The following MGMT variants were observed in gnomAD, a reference collection of about 807,000 sequenced individuals.
MGMT encodes O-6-methylguanine-DNA methyltransferase, also known as methylated-DNA--protein-cysteine methyltransferase.
A neutral mutation model predicts 15.9 loss-of-function variants in MGMT; 14 were observed. The observed-to-expected ratio is 0.88, with a 90% confidence interval of 0.58 to 1.37. The LOEUF (loss-of-function observed/expected upper bound fraction) is 1.37. Among genes scored for constraint, MGMT ranks in the 40% most tolerant of loss-of-function variants. MGMT has a pLI of 0.00. For synonymous variants in MGMT, 130 were observed against 118.2 expected (o/e 1.10, Z -0.65); for missense variants, 282 against 268.1 (o/e 1.05, Z -0.36).
intron 1 of MGMT, among the ~76,000 whole-genome samples, chr10:129,527,202 C>T (rs1203031201): frequency 6.6e-6 from 1 of 152,222 alleles, no homozygotes; most frequent in East Asian, 1.9e-4. Context: ...GCACTGAGTC[C>T]ACTGGATGCC....
chr10:129,611,771 T>C (rs510702), intron 2 of MGMT, among the ~76,000 whole-genome samples: 151,928 of 152,288 alleles, frequency 1, 75,785 homozygotes, highest in Middle Eastern at 1. Flanking sequence ...ATGAGATGCT[T>C]CTCCCTCGAG....
chr10:129,630,842 G>GA (rs1304629613), intron 2 of MGMT, among the ~76,000 whole-genome samples: 1 of 152,242 alleles, frequency 6.6e-6, no homozygotes, highest in African/African-American at 2.4e-5. Flanking sequence ...TGCTCCTACT[G>GA]AAAAACATGG....
chr10:129,504,906 C>G (rs895356201), intron 1 of MGMT, among the ~76,000 whole-genome samples: 1 of 151,168 alleles, frequency 6.6e-6, no homozygotes, highest in Non-Finnish European at 1.5e-5. Flanking sequence ...TTTGTCTAGC[C>G]TAGGTTTGTG....
intron 2 of MGMT, chr10:129,536,898 A>G (rs1461297252): frequency 6.6e-6 from 1 of 152,154 alleles, no homozygotes; most frequent in East Asian, 1.9e-4. Flanking sequence ...ACCCTTGGCG[A>G]GGGTGTGGCT....
intron 1 of MGMT, among the ~76,000 whole-genome samples, chr10:129,512,674 G>A (rs534017393): frequency 1.3e-5 from 2 of 152,216 alleles, no homozygotes; most frequent in African/African-American, 2.4e-5. Context: ...GTGGCTTAGC[G>A]ATGCGTGAAG....
intron 2 of MGMT, among the ~76,000 whole-genome samples, chr10:129,562,142 G>T (rs537919459): frequency 1.4e-4 from 21 of 152,174 alleles, no homozygotes; most frequent in Admixed American, 6.5e-5. Flanking sequence ...AGCAAGACTT[G>T]TTGTAAAAAA....
chr10:129,548,488 G>A (rs1052474957), intron 2 of MGMT, among the ~76,000 whole-genome samples: 1 of 152,172 alleles, frequency 6.6e-6, no homozygotes, highest in African/African-American at 2.4e-5. Context: ...GTACAACCCA[G>A]CACTGCTTTT....
Position 129,769,923 on chromosome 10 carries a change from A to T in MGMT, c.*2926A>T, listed in dbSNP as rs1716673955. On this transcript the variant is annotated 3_prime_UTR_variant, in exon 5 of 5. Coordinates refer to ENST00000651593, the MANE Select transcript of MGMT (RefSeq NM_002412.5). ...TAGGGGCATGAATTTGCACTTCCAGATGTGAAGGTTGCAGGCACCGGGCGT... is the reference window on the plus strand; with the variant it reads ...TAGGGGCATGAATTTGCACTTCCAGTTGTGAAGGTTGCAGGCACCGGGCGT... 6.6e-6 allele frequency among the ~76,000 whole-genome samples: 1 copy of T among 152,148 alleles called. No homozygotes were observed. The highest frequency in any genetic ancestry group is 6.5e-5 in the Admixed American group (1 of 15,270).
intron 1 of MGMT, among the ~76,000 whole-genome samples, chr10:129,511,926 C>G (rs753615836): frequency 6.6e-6 from 1 of 152,216 alleles, no homozygotes; most frequent in Non-Finnish European, 1.5e-5. Flanking sequence ...GGTACCTTCT[C>G]CCCAAGGCTG....
chr10:129,716,416 T>C (rs1848298238), intron 3 of MGMT, among the ~76,000 whole-genome samples: 2 of 152,234 alleles, frequency 1.3e-5, no homozygotes, highest in South Asian at 4.1e-4. Flanking sequence ...CGTGTGGATG[T>C]GTGTGCCCAC....
intron 3 of MGMT, among the ~76,000 whole-genome samples, chr10:129,729,238 C>T (rs1006081385): frequency 2.0e-5 from 3 of 152,164 alleles, no homozygotes; most frequent in Admixed American, 6.5e-5. Flanking sequence ...GTGTGAAAAA[C>T]GAAAGGGCCC....
intron 2 of MGMT, among the ~76,000 whole-genome samples, chr10:129,624,677 C>A (rs1384205729): frequency 4.6e-5 from 7 of 152,156 alleles, no homozygotes; most frequent in Non-Finnish European, 8.8e-5. Flanking sequence ...GGACATAACT[C>A]GTAGGATGGT....
chr10:129,516,214 T>C (rs1845736549), intron 1 of MGMT, among the ~76,000 whole-genome samples: 1 of 152,250 alleles, frequency 6.6e-6, no homozygotes, highest in Non-Finnish European at 1.5e-5. Flanking sequence ...CTGTCTTTGA[T>C]GTCTGTATGG....
At chr10:129,764,744 AG>A (rs563818852) in intron 4 of MGMT, among the ~76,000 whole-genome samples, 2 of 152,336 alleles carry the variant, frequency 1.3e-5, no homozygotes, top group African/African-American at 4.8e-5. Flanking sequence ...ACCCGGAGGT[AG>A]CCTGGACACG....
At chr10:129,542,233 C>A (rs1187484201) in intron 2 of MGMT, among the ~76,000 whole-genome samples, 1 of 152,164 alleles carries the variant, frequency 6.6e-6, no homozygotes, top group African/African-American at 2.4e-5. Context: ...CGACCCTCAG[C>A]CGTGCATGGG....
At chr10:129,551,485 C>T (rs1389313733) in intron 2 of MGMT, among the ~76,000 whole-genome samples, 1 of 152,084 alleles carries the variant, frequency 6.6e-6, no homozygotes, top group Non-Finnish European at 1.5e-5. Context: ...CCAGGGCACC[C>T]TCAGGAAGCA....
At chr10:129,606,547 A>C (rs1846893571) in intron 2 of MGMT, among the ~76,000 whole-genome samples, 4 of 152,234 alleles carry the variant, frequency 2.6e-5, no homozygotes, top group Admixed American at 1.3e-4. Flanking sequence ...TTGAATGAAA[A>C]GTCATTTGTG....
chr10:129,545,109 A>T (rs572594507), intron 2 of MGMT, among the ~76,000 whole-genome samples: 1 of 152,174 alleles, frequency 6.6e-6, no homozygotes, highest in Non-Finnish European at 1.5e-5. Context: ...GTTTACCAAT[A>T]AGAGAAATGG....
At position 129,618,576 on chromosome 10, in the gene MGMT, T is replaced by C. The variant is rs908593063; in HGVS notation, c.125+82199T>C. Among the ~76,000 whole-genome samples the C allele has an allele frequency of 5.9e-5, 9 of 152,064 alleles. No individual in the cohort carries two copies. In the East Asian group the frequency reaches 1.7e-3, roughly 29 times the overall value. On this transcript the variant is annotated intron_variant, in intron 2 of 4. Coordinates refer to ENST00000651593, the MANE Select transcript of MGMT (RefSeq NM_002412.5). ...TTCAACTGCATTCAATCTATAGATCTATTTGCAGAGATATTTCACAGTTTT... is the reference window on the plus strand; with the variant it reads ...TTCAACTGCATTCAATCTATAGATCCATTTGCAGAGATATTTCACAGTTTT...
Sources: allele counts gnomAD v4.1 joint callset (sites outside exome capture counted in the v4.1 genomes callset), GRCh38; gene constraint gnomAD v4.1.1; transcripts MANE v1.5; gene names NCBI Gene and HGNC (gene_info 2026-07-23, HGNC 2026-07-21).